The following PRPH2 variants were observed in gnomAD, a reference collection of about 807,000 sequenced individuals.
PRPH2 encodes the protein peripherin-2.
In PRPH2, 17 loss-of-function variants were observed where a neutral mutation model predicts 31.3. The ratio of observed to expected loss-of-function variants is 0.54; its 90% CI spans 0.37 to 0.81. PRPH2 has a LOEUF of 0.81. Ranked by LOEUF, PRPH2 falls within the 40% of genes least tolerant of loss-of-function variation. The pLI, the probability that PRPH2 is intolerant of heterozygous loss-of-function variation, is 0.00. For synonymous variants in PRPH2, 165 were observed against 184.4 expected (o/e 0.89, Z 0.85); for missense variants, 430 against 439.7 (o/e 0.98, Z 0.20).
chr6:42,703,284 C>T (rs771310109), intron 2 of PRPH2, among the ~76,000 whole-genome samples: 9 of 152,196 alleles, frequency 5.9e-5, no homozygotes, highest in Non-Finnish European at 1.2e-4. Flanking sequence ...AGCACACTCA[C>T]CGAGGATTTG....
Position 42,721,940 on chromosome 6 carries a change from TG to T in PRPH2, c.394del (p.Gln132LysfsTer7), listed in dbSNP as rs769723975. 8.1e-6 allele frequency: 13 copies of T among 1,614,138 alleles called. No homozygotes were observed. The highest frequency in any genetic ancestry group is 1.1e-5 in the Non-Finnish European group (13 of 1,180,030). ...LRGSLENTLG[Q>X]GLKNGMKYYR... ...GTACTTCATGCCGTTCTTGAGCCCT[TG>T]GCCCAGGGTGTTCTCCAGCGAGCCC... is the stretch of plus-strand genomic sequence containing the variant. On this transcript the variant is annotated frameshift_variant, in exon 1 of 3. Transcript: ENST00000230381. LOFTEE classifies it high-confidence loss of function.
Position 42,722,464 on chromosome 6 carries a change from G to A in PRPH2, c.-130C>T. ...CCCAAGCTGTAGGGAGCTGCCCTGG[G>A]GGCTACCCATGTCGAGTCCCACTAG... On this transcript the variant is annotated 5_prime_UTR_variant, in exon 1 of 3. Coordinates refer to ENST00000230381, the MANE Select transcript of PRPH2 (RefSeq NM_000322.5). The surrounding 1 kb of genome is among the most constrained non-coding windows in gnomAD (Gnocchi z 4.4). The A allele has an allele frequency of 5.9e-6, 9 of 1,529,786 alleles. No homozygotes were observed. The highest frequency in any genetic ancestry group is 2.0e-5 in the Admixed American group (1 of 50,222). 94.8% of individuals were successfully genotyped at this position (1,529,786 alleles called of 1,614,324 possible). A position where few individuals can be genotyped will look rare whatever the true frequency, so the allele number is the denominator to read the frequency against.
chr6:42,711,565 G>T (rs112150262), intron 1 of PRPH2, among the ~76,000 whole-genome samples: 1 of 151,490 alleles, frequency 6.6e-6, no homozygotes, highest in Admixed American at 6.6e-5. Flanking sequence ...GGTCTGAGGG[G>T]GACACAGCCC....
intron 1 of PRPH2, among the ~76,000 whole-genome samples, chr6:42,705,829 C>T (rs573622142): frequency 2.0e-5 from 3 of 149,216 alleles, no homozygotes; most frequent in East Asian, 2.0e-4. Context: ...CGTGGTGGCA[C>T]GCGCCTGTAG....
rs139034099 is a variant in PRPH2, at chr6:42,712,663, C to T, written c.582-8052G>A. The stretch of plus-strand genomic sequence containing the variant: ...AACTCCTGACCTCAGGTGATCCACC[C>T]GCCTCAGCTTCCCAAAGTGCTGGGA... On this transcript the variant is annotated intron_variant, in intron 1 of 2. Transcript: ENST00000230381. Among the ~76,000 whole-genome samples the T allele has an allele frequency of 5.3e-3, 801 of 151,744 alleles. 27 individuals carry two copies. In the East Asian group the frequency reaches 0.063, roughly 12 times the overall value.
intron 1 of PRPH2, among the ~76,000 whole-genome samples, chr6:42,717,571 A>G (rs1363990438): frequency 6.6e-6 from 1 of 152,154 alleles, no homozygotes; most frequent in Non-Finnish European, 1.5e-5. Context: ...ATAAATAAAT[A>G]TAACTTACAT....
intron 1 of PRPH2, among the ~76,000 whole-genome samples, chr6:42,719,967 A>T (rs1765273565): frequency 1.3e-5 from 2 of 152,186 alleles, no homozygotes; most frequent in African/African-American, 4.8e-5. Context: ...GCATTAATCA[A>T]GTTATGGGTG....
At chr6:42,710,545 C>T (rs1800256224) in intron 1 of PRPH2, among the ~76,000 whole-genome samples, 1 of 152,174 alleles carries the variant, frequency 6.6e-6, no homozygotes. Flanking sequence ...TAAGACAAAG[C>T]CAGGCAGAGG....
At chr6:42,718,071 G>T (rs983089793) in intron 1 of PRPH2, among the ~76,000 whole-genome samples, 1 of 152,176 alleles carries the variant, frequency 6.6e-6, no homozygotes, top group Admixed American at 6.5e-5. Flanking sequence ...ACTTTGGGAG[G>T]TCAAGGCAGG....
chr6:42,700,007 G>A (rs1800018734), intron 2 of PRPH2, among the ~76,000 whole-genome samples: 1 of 149,612 alleles, frequency 6.7e-6, no homozygotes, highest in African/African-American at 2.5e-5. Flanking sequence ...CACCCAGGCT[G>A]GAGTGCAGTG....
At chr6:42,709,100 G>A (rs1251040201) in intron 1 of PRPH2, among the ~76,000 whole-genome samples, 1 of 152,092 alleles carries the variant, frequency 6.6e-6, no homozygotes, top group Non-Finnish European at 1.5e-5. Flanking sequence ...GGAGGCTGAG[G>A]TGGGCAGATC....
intron 1 of PRPH2, among the ~76,000 whole-genome samples, chr6:42,712,664 G>C (rs889520744): frequency 6.6e-6 from 1 of 151,548 alleles, no homozygotes; most frequent in African/African-American, 2.4e-5. Context: ...TGATCCACCC[G>C]CCTCAGCTTC....
At chr6:42,707,354 G>A (rs1297379784) in intron 1 of PRPH2, among the ~76,000 whole-genome samples, 1 of 152,160 alleles carries the variant, frequency 6.6e-6, no homozygotes, top group Non-Finnish European at 1.5e-5. Flanking sequence ...TACAAACATG[G>A]ACATCAGTCA....
Position 42,704,756 on chromosome 6 carries a change from G to T in PRPH2, c.582-145C>A, listed in dbSNP as rs1800122869. ...TTTGCTGTGCGCCCGCTACGTGCCA[G>T]TCACTGTTCTAGGCGCTGAAGACAA... On this transcript the variant is annotated intron_variant, in intron 1 of 2. Transcript: ENST00000230381. 3.1e-6 allele frequency: 4 copies of T among 1,278,750 alleles called. No homozygotes were observed. The South Asian group carries it at 4.9e-5, about 16-fold the overall frequency. The allele number at this position is 1,278,750 out of a possible 1,614,324, so 79.2% of individuals were successfully genotyped here.
rs560739431 is a variant in PRPH2, at chr6:42,706,049, C to T, written c.582-1438G>A. Among the ~76,000 whole-genome samples, 7 of 151,584 alleles carry T rather than the reference C, an allele frequency of 4.6e-5. No homozygotes were observed. The South Asian group carries it at 6.3e-4, about 14-fold the overall frequency. On this transcript the variant is annotated intron_variant, in intron 1 of 2. Transcript: ENST00000230381. The stretch of plus-strand genomic sequence containing the variant: ...ACTTTGGGAGGCCCAGGTGGGCAGA[C>T]GACCTGAGGTCAGGAGTTCAAGACC...
intron 1 of PRPH2, among the ~76,000 whole-genome samples, chr6:42,713,750 G>A (rs1021811105): frequency 2.0e-4 from 31 of 151,584 alleles, no homozygotes; most frequent in Admixed American, 9.2e-4. Flanking sequence ...GAGAAACCCC[G>A]TCTCTAGAAA....
At chr6:42,702,145 G>A (rs187651750) in intron 2 of PRPH2, among the ~76,000 whole-genome samples, 38 of 152,046 alleles carry the variant, frequency 2.5e-4, no homozygotes, top group Non-Finnish European at 4.6e-4. Context: ...AAGGGGCTGA[G>A]GCAGAAGAAT....
intron 1 of PRPH2, among the ~76,000 whole-genome samples, chr6:42,707,906 G>T (rs145621785): frequency 2.0e-5 from 3 of 152,284 alleles, no homozygotes; most frequent in Non-Finnish European, 2.9e-5. Context: ...TTTACTCCTG[G>T]CTCGCCCACA....
In PRPH2 at chr6:42,704,541, A is replaced by T; in HGVS notation, c.652T>A (p.Ser218Thr). Reference protein sequence around the residue: ...GVPFSCCNPSSPRPCIQYQIT... With the variant: ...GVPFSCCNPSTPRPCIQYQIT... ...TGATACTGGATGCAGGGCCGTGGCGAGCTAGGATTGCAGCAGCTGAAAGGG... is the reference window on the plus strand; with the variant it reads ...TGATACTGGATGCAGGGCCGTGGCGTGCTAGGATTGCAGCAGCTGAAAGGG... Residue 218 changes from serine (S) to threonine (T), a missense_variant, in exon 2 of 3, where the codon TCG becomes ACG. Transcript: ENST00000230381. The T allele has an allele frequency of 6.2e-7, 1 of 1,614,164 alleles. No homozygotes were observed. Among genetic ancestry groups the T allele is most frequent in the Non-Finnish European group, 8.5e-7 (1 of 1,180,032 alleles).
Sources: gnomAD v4.1 joint callset for allele counts (sites outside exome capture counted in the v4.1 genomes callset) on GRCh38, gnomAD v4.1.1 for gene constraint, Gnocchi (gnomAD v3.1) non-coding constraint, MANE v1.5 for transcripts, NCBI Gene and HGNC (gene_info 2026-07-23, HGNC 2026-07-21) for gene names.